PRKCB: variants seen among roughly 807,000 people sequenced by gnomAD.
PRKCB encodes protein kinase C beta.
Under a neutral mutation model 81.5 loss-of-function variants are expected in PRKCB, and 13 were observed. The ratio of observed to expected loss-of-function variants is 0.16; its 90% CI spans 0.10 to 0.25. The LOEUF is 0.25. PRKCB is among the 10% of genes least tolerant of loss of function. The pLI, the probability that PRKCB is intolerant of heterozygous loss-of-function variation, is 1.00. For missense variants in PRKCB, 509 were observed against 875.7 expected (o/e 0.58, Z 5.29); for synonymous variants, 335 against 321.4 (o/e 1.04, Z -0.45).
In PRKCB at chr16:24,125,627, T is replaced by C. The variant is rs191958742; in HGVS notation, c.1065+1646T>C. ...GAGCAATGCTTTTCTTGTGTCCTTG[T>C]TGATTTTTTCTCTCTTCCCTTTCTA... On this transcript the variant is annotated intron_variant, in intron 9 of 16. Coordinates refer to ENST00000643927, the MANE Select transcript of PRKCB (RefSeq NM_002738.7). Among the ~76,000 whole-genome samples the C allele has an allele frequency of 1.5e-3, 230 of 152,356 alleles. 1 individual carries two copies. Among genetic ancestry groups the C allele is most frequent in the African/African-American group, 5.4e-3 (223 of 41,582 alleles).
intron 2 of PRKCB, among the ~76,000 whole-genome samples, chr16:23,908,991 C>T (rs1963610705): frequency 6.6e-6 from 1 of 152,214 alleles, no homozygotes; most frequent in Non-Finnish European, 1.5e-5. Context: ...CCCTGCACAC[C>T]CACTGGGACA....
chr16:24,105,042 G>A (rs1462727910), intron 7 of PRKCB, among the ~76,000 whole-genome samples: 2 of 145,980 alleles, frequency 1.4e-5, no homozygotes, highest in Non-Finnish European at 3.0e-5. Context: ...TGTAACAAGC[G>A]GCACGTTGTT....
At chr16:24,000,308 C>T (rs919680330) in intron 3 of PRKCB, among the ~76,000 whole-genome samples, 7 of 152,172 alleles carry the variant, frequency 4.6e-5, no homozygotes, top group African/African-American at 1.7e-4. Context: ...CAAAAGAATG[C>T]ACCTAATTTA....
chr16:24,122,645 A>T (rs1389461936), intron 8 of PRKCB, among the ~76,000 whole-genome samples: 1 of 152,006 alleles, frequency 6.6e-6, no homozygotes, highest in African/African-American at 2.4e-5. Flanking sequence ...ATTTTTGTAG[A>T]GACAGGGTCT....
intron 5 of PRKCB, among the ~76,000 whole-genome samples, chr16:24,038,868 A>AG (rs1965660398): frequency 6.6e-6 from 1 of 152,190 alleles, no homozygotes; most frequent in Non-Finnish European, 1.5e-5. Flanking sequence ...TCTTGAGGCA[A>AG]GGGGGCTGTT....
chr16:24,070,146 G>GTTTTT (rs376637927), intron 5 of PRKCB, among the ~76,000 whole-genome samples: 1 of 144,464 alleles, frequency 6.9e-6, no homozygotes, highest in African/African-American at 2.8e-5. Context: ...GAAACCAGGG[G>GTTTTT]ATTTTTTTTT....
At chr16:23,971,748 T>A (rs1396087253) in intron 2 of PRKCB, among the ~76,000 whole-genome samples, 1 of 152,154 alleles carries the variant, frequency 6.6e-6, no homozygotes, top group Non-Finnish European at 1.5e-5. Context: ...TTTTCCACAG[T>A]TAAATGTCTT....
At chr16:23,911,054 T>G (rs1963643139) in intron 2 of PRKCB, among the ~76,000 whole-genome samples, 1 of 151,670 alleles carries the variant, frequency 6.6e-6, no homozygotes, top group Non-Finnish European at 1.5e-5. Context: ...TTTTGTCTAT[T>G]TATTCATCAA....
At chr16:23,968,325 G>T (rs1277340163) in intron 2 of PRKCB, among the ~76,000 whole-genome samples, 1 of 152,196 alleles carries the variant, frequency 6.6e-6, no homozygotes, top group Non-Finnish European at 1.5e-5. Context: ...ACTTGGGCAA[G>T]GTTAAGATTA....
intron 7 of PRKCB, chr16:24,098,133 A>G (rs556504366): frequency 2.0e-5 from 3 of 152,278 alleles, no homozygotes; most frequent in Admixed American, 1.3e-4. Flanking sequence ...TTACATGGCT[A>G]GGGGGCTTAG....
chr16:23,965,970 G>C (rs973955174), intron 2 of PRKCB, among the ~76,000 whole-genome samples: 1 of 152,220 alleles, frequency 6.6e-6, no homozygotes, highest in East Asian at 1.9e-4. Flanking sequence ...GGCCACTTCA[G>C]TCTATGAAGC....
intron 9 of PRKCB, among the ~76,000 whole-genome samples, chr16:24,144,061 T>A (rs1056448786): frequency 2.0e-5 from 3 of 152,126 alleles, no homozygotes; most frequent in Non-Finnish European, 2.9e-5. Context: ...ATAGAAAATA[T>A]GAATTTTGTT....
chr16:23,885,301 C>G (rs1333195284), intron 2 of PRKCB, among the ~76,000 whole-genome samples: 2 of 151,972 alleles, frequency 1.3e-5, no homozygotes, highest in East Asian at 1.9e-4. Context: ...ATCCACAGCT[C>G]TTTTTTTCTT....
At chr16:23,867,050 T>TTC (rs1356254019) in intron 2 of PRKCB, among the ~76,000 whole-genome samples, 2 of 56,144 alleles carry the variant, frequency 3.6e-5, no homozygotes, top group African/African-American at 1.4e-4. Context: ...CCTTCCTTCC[T>TTC]TCTCTCTCTC....
chr16:24,099,356 C>T (rs1966476984), intron 7 of PRKCB: 1 of 152,168 alleles, frequency 6.6e-6, no homozygotes, highest in Non-Finnish European at 1.5e-5. Context: ...TGACTGGTCA[C>T]TGTTAACAGC....
At chr16:23,877,959 G>A (rs530408967) in intron 2 of PRKCB, among the ~76,000 whole-genome samples, 2 of 151,894 alleles carry the variant, frequency 1.3e-5, no homozygotes, top group East Asian at 3.9e-4. Context: ...TCAGCCTCCT[G>A]AGTAGTTGGG....
intron 5 of PRKCB, among the ~76,000 whole-genome samples, chr16:24,081,129 G>T (rs1966243852): frequency 6.6e-6 from 1 of 151,804 alleles, no homozygotes; most frequent in Non-Finnish European, 1.5e-5. Flanking sequence ...TTAGTGTCAT[G>T]TGTAAGAACT....
At chr16:24,095,398 T>G (rs551133219) in intron 7 of PRKCB, among the ~76,000 whole-genome samples, 29 of 152,144 alleles carry the variant, frequency 1.9e-4, no homozygotes, top group African/African-American at 6.7e-4. Context: ...ATGGTCCTCG[T>G]GCACTGAGTC....
chr16:24,205,173 C>T (rs1188830353), intron 16 of PRKCB, among the ~76,000 whole-genome samples: 3 of 116,122 alleles, frequency 2.6e-5, no homozygotes, highest in African/African-American at 6.6e-5. Context: ...TTTTTAGAGA[C>T]AGGGTCTTAC....
Sources: allele counts gnomAD v4.1 joint callset (sites outside exome capture counted in the v4.1 genomes callset), GRCh38; gene constraint gnomAD v4.1.1; transcripts MANE v1.5; gene names NCBI Gene and HGNC (gene_info 2026-07-23, HGNC 2026-07-21).